LRP2: variants seen among roughly 807,000 people sequenced by gnomAD.
LRP2 encodes low-density lipoprotein receptor-related protein 2.
Under a neutral mutation model 531.0 loss-of-function variants are expected in LRP2, and 172 were observed. That is an observed-to-expected ratio of 0.32 (90% confidence interval 0.29 to 0.37). LRP2 has a LOEUF of 0.37. Ranked by LOEUF, LRP2 falls within the 10% of genes least tolerant of loss-of-function variation. The pLI is 1.00. For synonymous variants in LRP2, 1,992 were observed against 2,027.6 expected (o/e 0.98, Z 0.47); for missense variants, 5,167 against 5,868.3 (o/e 0.88, Z 3.90).
At chr2:169,166,135 C>A in intron 61 of LRP2, 81 bp from the exon 62 acceptor site, 1 of 1,473,432 alleles carries the variant, frequency 6.8e-7, no homozygotes, top group Non-Finnish European at 9.5e-7. Flanking sequence ...CCAGTGTCAG[C>A]ACCAGGCTTG....
intron 4 of LRP2, 111 bp downstream of exon 4, chr2:169,307,170 A>T: frequency 2.5e-6 from 2 of 787,134 alleles, no homozygotes; most frequent in Non-Finnish European, 4.6e-6. Flanking sequence ...TTGCAATAAC[A>T]AGAGGCATAT....
At chr2:169,309,461 C>T (rs896846843) in intron 3 of LRP2, among the ~76,000 whole-genome samples, 1 of 152,326 alleles carries the variant, frequency 6.6e-6, no homozygotes, top group African/African-American at 2.4e-5. Context: ...GTTTTCCCAA[C>T]ACCATGTATT....
At chr2:169,333,900 T>C (rs902681221) in intron 1 of LRP2, among the ~76,000 whole-genome samples, 29 of 152,192 alleles carry the variant, frequency 1.9e-4, no homozygotes, top group African/African-American at 7.0e-4. Flanking sequence ...GCTCTGTCAA[T>C]GTTATCACTT....
intron 17 of LRP2, 111 bp from the exon 18 acceptor site, chr2:169,257,360 C>T (rs1690347449): frequency 9.0e-7 from 1 of 1,115,912 alleles, no homozygotes; most frequent in Admixed American, 1.8e-5. Flanking sequence ...ATTTTGTTTT[C>T]TTTATATGCT....
intron 46 of LRP2, among the ~76,000 whole-genome samples, chr2:169,195,108 T>C (rs1288519544): frequency 6.6e-6 from 1 of 152,176 alleles, no homozygotes; most frequent in Non-Finnish European, 1.5e-5. Flanking sequence ...ACAAAGGATG[T>C]TCACCCTGAC....
chr2:169,220,265 A>C (rs907447766), intron 34 of LRP2, among the ~76,000 whole-genome samples, 189 bp downstream of exon 34: 8 of 152,244 alleles, frequency 5.3e-5, no homozygotes, highest in African/African-American at 1.7e-4. Context: ...AGGACAAAAT[A>C]CAAACAATAT....
intron 9 of LRP2, among the ~76,000 whole-genome samples, chr2:169,285,199 G>A (rs1003049625): frequency 2.0e-5 from 3 of 151,450 alleles, no homozygotes; most frequent in African/African-American, 7.3e-5. Context: ...GCACGTGCCT[G>A]TAGTCCCAGC....
Position 169,137,420 on chromosome 2 carries a change from C to T in LRP2, c.13592G>A (p.Ser4531Asn), listed in dbSNP as rs1558971516. The change falls in exon 76 of 79, where the codon AGT becomes AAT. Residue 4531 changes from serine (S) to asparagine (N), a missense_variant. Coordinates refer to ENST00000649046, the MANE Select transcript of LRP2 (RefSeq NM_004525.3). Reference protein sequence around the residue: ...FENPMYSARDSAVKVVQPIQV... With the variant: ...FENPMYSARDNAVKVVQPIQV... ...GATTGGCTGAACCACTTTGACAGCA[C>T]TGTCTCTGGCTGAGTACATTGGGTT... The T allele has an allele frequency of 6.2e-7, 1 of 1,614,052 alleles. No homozygotes were observed. Among genetic ancestry groups the T allele is most frequent in the East Asian group, 2.2e-5 (1 of 44,872 alleles).
chr2:169,284,256 CTTTTTTTTTTTTTTT>C (rs1216987363), intron 9 of LRP2, among the ~76,000 whole-genome samples: 2 of 96,668 alleles, frequency 2.1e-5, no homozygotes, highest in Non-Finnish European at 3.9e-5. Flanking sequence ...TCTTTTTTTT[CTTTTTTTTTTTTTTT>C]TTTTTTTTTT....
rs748914697 is a variant in LRP2, at chr2:169,139,552, G to A, written c.13258C>T (p.Pro4420Ser). The change falls in exon 73 of 79, where the codon CCA becomes TCA. Residue 4420 changes from proline (P) to serine (S), a missense_variant. By Grantham distance (74) the Pro-to-Ser change is moderately conservative. Transcript: ENST00000649046. ...CATTCTTAAAACTTACTTGTTCCTGGAGAGATGCCTTTTGAAAACGCCATT... is the reference window on the plus strand; with the variant it reads ...CATTCTTAAAACTTACTTGTTCCTGAAGAGATGCCTTTTGAAAACGCCATT... ...CEMAFSKGIS[P>S]GTTAVAVLLT... The A allele has an allele frequency of 1.9e-6, 3 of 1,614,060 alleles. No homozygotes were observed. Among genetic ancestry groups the A allele is most frequent in the African/African-American group, 2.7e-5 (2 of 74,918 alleles).
At chr2:169,207,717 G>A (rs923265092) in intron 38 of LRP2, among the ~76,000 whole-genome samples, 4 of 152,194 alleles carry the variant, frequency 2.6e-5, no homozygotes, top group Non-Finnish European at 5.9e-5. Context: ...TTGAACTTAA[G>A]GTTAACATGA....
At chr2:169,244,607 C>A in intron 22 of LRP2, 86 bp downstream of exon 22, 1 of 1,549,112 alleles carries the variant, frequency 6.5e-7, no homozygotes, top group Non-Finnish European at 8.9e-7. Flanking sequence ...ATTGCATGAG[C>A]CTTAGAGGAA....
At position 169,282,869 on chromosome 2, in the gene LRP2, T is replaced by G. The variant is rs1339680234; in HGVS notation, c.1171+4A>C. 6.2e-7 allele frequency: 1 copy of G among 1,613,612 alleles called. No homozygotes were observed. Among genetic ancestry groups the G allele is most frequent in the African/African-American group, 1.3e-5 (1 of 74,912 alleles). ...AGAGACACAGGTGTCCATAATTTAC[T>G]CACAGGAATCATTAGCTTTGCAATA... On this transcript the variant is annotated splice_donor_region_variant and intron_variant, in intron 10 of 78. Coordinates refer to ENST00000649046, the MANE Select transcript of LRP2 (RefSeq NM_004525.3).
At chr2:169,283,741 T>C (rs1683768080) in intron 9 of LRP2, among the ~76,000 whole-genome samples, 1 of 152,220 alleles carries the variant, frequency 6.6e-6, no homozygotes, top group African/African-American at 2.4e-5. Context: ...TAACTTATTA[T>C]TCACTCATTT....
At position 169,176,538 on chromosome 2, in the gene LRP2, T is replaced by G. The variant is rs2105286581; in HGVS notation, c.10444A>C (p.Ile3482Leu). ...GTGAACCCTTTTCCTCCTGGCTTGATGAGGCAGAGATGAGAACAGCCACCA... is the reference window on the plus strand; with the variant it reads ...GTGAACCCTTTTCCTCCTGGCTTGAGGAGGCAGAGATGAGAACAGCCACCA... The part of the protein sequence containing the change: ...NNGGCSHLCL[I>L]KPGGKGFTCE... The change falls in exon 54 of 79, where the codon ATC (isoleucine) becomes CTC (leucine). Residue 3482 changes from isoleucine (I) to leucine (L), a missense_variant. This residue lies in a region of LRP2 where 1,129 missense variants were observed against 1,362.7 expected (regional missense o/e 0.83). Coordinates refer to ENST00000649046, the MANE Select transcript of LRP2 (RefSeq NM_004525.3). 1.2e-6 allele frequency: 2 copies of G among 1,614,186 alleles called. No homozygotes were observed. The highest frequency in any genetic ancestry group is 2.2e-5 in the South Asian group (2 of 91,088).
chr2:169,154,514 C>T lies in LRP2; in HGVS notation c.12241G>A (p.Glu4081Lys). The change falls in exon 66 of 79, where the codon GAG (glutamate) becomes AAG (lysine). Residue 4081 changes from glutamate (E) to lysine (K), a missense_variant. By Grantham distance (56) the Glu-to-Lys change is moderately conservative (BLOSUM62 1). Around this residue, in one of 6 missense-constraint regions of LRP2, gnomAD observed 564 missense variants for 747.7 expected, o/e 0.75. Transcript: ENST00000649046. The stretch of plus-strand genomic sequence containing the variant: ...TAATCAACAGCTTGGATATATTCCT[C>T]ATCTTGAAGATACTCTGAGAACCTC... ...SERFSEYLQD[E>K]EYIQAVDYDW... is the part of the protein sequence containing the mutation. The T allele has an allele frequency of 6.8e-6, 11 of 1,612,794 alleles. No homozygotes were observed. Among genetic ancestry groups the T allele is most frequent in the Non-Finnish European group, 7.6e-6 (9 of 1,178,900 alleles).
intron 3 of LRP2, among the ~76,000 whole-genome samples, chr2:169,313,733 G>T (rs966305494): frequency 6.6e-6 from 1 of 152,104 alleles, no homozygotes; most frequent in Non-Finnish European, 1.5e-5. Context: ...TCTCTTCAAA[G>T]CTCAGTTGGA....
At chr2:169,196,817 C>T (rs1688019671) in intron 46 of LRP2, 94 bp downstream of exon 46, 7 of 1,550,362 alleles carry the variant, frequency 4.5e-6, no homozygotes, top group Non-Finnish European at 5.3e-6. Context: ...AAGCATTCAG[C>T]AGCCATGACC....
intron 55 of LRP2, 119 bp from the exon 56 acceptor site, chr2:169,174,283 A>T (rs1687107385): frequency 8.0e-7 from 1 of 1,249,542 alleles, no homozygotes; most frequent in African/African-American, 1.5e-5. Flanking sequence ...CTTATTTCCT[A>T]ATGTACTTAT....
Sources: gnomAD v4.1 joint callset for allele counts (sites outside exome capture counted in the v4.1 genomes callset) on GRCh38, gnomAD v4.1.1 for gene constraint, gnomAD v4.1.1 regional missense constraint, MANE v1.5 for transcripts, NCBI Gene and HGNC (gene_info 2026-07-23, HGNC 2026-07-21) for gene names.